SH3PXD2A: variants seen among roughly 807,000 people sequenced by gnomAD.
SH3PXD2A encodes the protein SH3 and PX domain-containing protein 2A.
Under a neutral mutation model 115.2 loss-of-function variants are expected in SH3PXD2A, and 32 were observed. The ratio of observed to expected loss-of-function variants is 0.28; its 90% confidence interval spans 0.21 to 0.37. The LOEUF (loss-of-function observed/expected upper bound fraction) is 0.37. Among genes scored for constraint, SH3PXD2A ranks in the 10% least tolerant of loss-of-function variants. SH3PXD2A has a pLI of 1.00. For missense variants in SH3PXD2A, 1,328 were observed against 1,498.7 expected, an observed-to-expected ratio of 0.89 and a Z score of 1.88; for synonymous variants, 610 against 629.1, an observed-to-expected ratio of 0.97 and a Z score of 0.45.
chr10:103,842,203 C>T (rs1219201672), intron 1 of SH3PXD2A, among the ~76,000 whole-genome samples: 1 of 45,776 alleles, frequency 2.2e-5, no homozygotes, highest in Non-Finnish European at 6.8e-5. Flanking sequence ...TTAGTTTTCC[C>T]TACGCCATTC....
chr10:103,681,778 A>G (rs976103684), intron 6 of SH3PXD2A, among the ~76,000 whole-genome samples: 1 of 152,098 alleles, frequency 6.6e-6, no homozygotes, highest in East Asian at 1.9e-4. Flanking sequence ...GCGCGCACAC[A>G]CACAAAATGC....
chr10:103,850,238 C>A (rs1842884566), intron 1 of SH3PXD2A, among the ~76,000 whole-genome samples: 1 of 152,178 alleles, frequency 6.6e-6, no homozygotes, highest in Non-Finnish European at 1.5e-5. Flanking sequence ...CTCTTCCCTT[C>A]CCCTCTGCCT....
At chr10:103,607,191 C>T (rs542000934) in intron 13 of SH3PXD2A, among the ~76,000 whole-genome samples, 41 of 151,840 alleles carry the variant, frequency 2.7e-4, no homozygotes, top group African/African-American at 8.9e-4. Flanking sequence ...GCCGCGACCC[C>T]GTCTGGGAGG....
chr10:103,825,685 G>GT (rs2039423151), intron 1 of SH3PXD2A, among the ~76,000 whole-genome samples: 1 of 152,016 alleles, frequency 6.6e-6, no homozygotes, highest in African/African-American at 2.4e-5. Context: ...CTTCCGGACA[G>GT]CACTGACACA....
At chr10:103,624,673 G>A (rs1040778332) in intron 9 of SH3PXD2A, among the ~76,000 whole-genome samples, 8 of 152,222 alleles carry the variant, frequency 5.3e-5, no homozygotes, top group Admixed American at 2.0e-4. Context: ...AGCTTTGATA[G>A]GATGCAGGCT....
At chr10:103,801,901 G>T (rs932562863) in intron 1 of SH3PXD2A, among the ~76,000 whole-genome samples, 14 of 151,982 alleles carry the variant, frequency 9.2e-5, no homozygotes, top group African/African-American at 3.4e-4. Context: ...ACGGGGTTTC[G>T]CCATGTTGGC....
At chr10:103,820,540 C>T (rs1022623311) in intron 1 of SH3PXD2A, among the ~76,000 whole-genome samples, 1 of 152,126 alleles carries the variant, frequency 6.6e-6, no homozygotes, top group Non-Finnish European at 1.5e-5. Flanking sequence ...CTCAAAGTCA[C>T]GTCATCCAAG....
chr10:103,610,487 G>C (rs7903473), intron 13 of SH3PXD2A, among the ~76,000 whole-genome samples: 6,676 of 152,276 alleles, frequency 0.044, 479 homozygotes, highest in African/African-American at 0.15. Flanking sequence ...AACTCCACTG[G>C]GGTCCATGGC....
chr10:103,642,500 G>C (rs760635507), intron 8 of SH3PXD2A, among the ~76,000 whole-genome samples: 2 of 152,192 alleles, frequency 1.3e-5, no homozygotes, highest in Non-Finnish European at 2.9e-5. Context: ...TCATGGTGTT[G>C]GGTGGACTAC....
chr10:103,795,915 G>C (rs1185559578), intron 2 of SH3PXD2A, among the ~76,000 whole-genome samples: 1 of 107,708 alleles, frequency 9.3e-6, no homozygotes, highest in African/African-American at 3.2e-5. Flanking sequence ...AGGAAGGAAG[G>C]AAGGAAGGAA....
At chr10:103,788,096 G>A (rs926720744) in intron 2 of SH3PXD2A, among the ~76,000 whole-genome samples, 1 of 152,140 alleles carries the variant, frequency 6.6e-6, no homozygotes, top group East Asian at 1.9e-4. Context: ...GGGAGGATCG[G>A]AGCCCCTTCC....
At chr10:103,669,069 T>C (rs1193709868) in intron 6 of SH3PXD2A, among the ~76,000 whole-genome samples, 1 of 152,146 alleles carries the variant, frequency 6.6e-6, no homozygotes, top group Non-Finnish European at 1.5e-5. Flanking sequence ...GCGGGCTCAG[T>C]GGCCTGGACC....
chr10:103,786,814 C>T (rs1415477453), intron 2 of SH3PXD2A, among the ~76,000 whole-genome samples: 1 of 152,160 alleles, frequency 6.6e-6, no homozygotes. Flanking sequence ...CTGGTTCCTA[C>T]GGAGAGTCCC....
chr10:103,776,800 C>T (rs921434411), intron 2 of SH3PXD2A, among the ~76,000 whole-genome samples: 2 of 152,188 alleles, frequency 1.3e-5, no homozygotes, highest in African/African-American at 4.8e-5. Flanking sequence ...TTAGGAGCCA[C>T]CCTACTCCCG....
chr10:103,657,500 T>C (rs1342362664), intron 8 of SH3PXD2A, among the ~76,000 whole-genome samples: 2 of 152,262 alleles, frequency 1.3e-5, no homozygotes, highest in Admixed American at 6.5e-5. Context: ...GGCGGCTGCA[T>C]GCCCTGGTAT....
chr10:103,602,300 C>G lies in SH3PXD2A; in HGVS notation c.2918G>C (p.Arg973Pro). Residue 973 changes from arginine (R) to proline (P), a missense_variant, in exon 15 of 15, where the codon CGG becomes CCG. By Grantham distance (103) the Arg-to-Pro change is moderately radical. This residue lies in a region of SH3PXD2A where 574 missense variants were observed against 565.7 expected (regional missense o/e 1.01). Transcript: ENST00000369774. ...TPAVKMRNGV[R>P]QVAVRPQSVF... ...CGACTGGGGCCTGACCGCCACCTGC[C>G]GCACTCCGTTCCTCATCTTCACCGC... 1 of 1,613,680 alleles carries G rather than the reference C, an allele frequency of 6.2e-7. No individual in the cohort carries two copies.
In SH3PXD2A at chr10:103,596,682, C is replaced by CTCTT. The variant is rs2036140735; in HGVS notation, c.*5133_*5134insAAGA. On this transcript the variant is annotated 3_prime_UTR_variant, in exon 15 of 15. Transcript: ENST00000369774. ...ACACACACTCTCTCTCTCTCTCTCT[C>CTCTT]TCTCACAACACATGGCCCTCAAAAA... The CTCTT allele has an allele frequency of 7.3e-6, 1 of 136,100 alleles. No homozygotes were observed. The highest frequency in any genetic ancestry group is 1.7e-5 in the Non-Finnish European group (1 of 59,578). The allele number at this position is 136,100 out of a possible 1,614,324, so 8.4% of individuals were successfully genotyped here.
chr10:103,669,816 AC>A (rs2037433962), intron 6 of SH3PXD2A, among the ~76,000 whole-genome samples: 2 of 152,264 alleles, frequency 1.3e-5, no homozygotes. Flanking sequence ...GAGCAGCCTG[AC>A]CCATTCAGAG....
intron 13 of SH3PXD2A, among the ~76,000 whole-genome samples, chr10:103,608,093 T>C (rs561620206): frequency 0.011 from 1,289 of 120,620 alleles, 23 homozygotes; most frequent in African/African-American, 0.041. Context: ...CCCTCCACTA[T>C]TGTCCTATGA....
Sources: allele counts gnomAD v4.1 joint callset (sites outside exome capture counted in the v4.1 genomes callset), GRCh38; gene constraint gnomAD v4.1.1; regional missense constraint gnomAD v4.1.1; transcripts MANE v1.5; gene names NCBI Gene and HGNC (gene_info 2026-07-23, HGNC 2026-07-21).